Variants in CELF1 observed in about 807,000 individuals in gnomAD.
CELF1 encodes CUGBP Elav-like family member 1.
CELF1 carries 10 observed loss-of-function variants against 61.8 expected under a neutral mutation model. That is an observed-to-expected ratio of 0.16 (90% CI 0.10 to 0.27). The LOEUF (loss-of-function observed/expected upper bound fraction) is 0.27, where lower values mean the gene tolerates loss of function less well. Among genes scored for constraint, CELF1 ranks in the 10% least tolerant of loss-of-function variants. The pLI, the probability that CELF1 is intolerant of heterozygous loss-of-function variation, is 1.00. For missense variants in CELF1, 380 were observed against 639.1 expected, an observed-to-expected ratio of 0.59 and a Z score of 4.37; for synonymous variants, 236 against 225.1, an observed-to-expected ratio of 1.05 and a Z score of -0.43.
At chr11:47,488,708 G>A (rs2089284072) in intron 4 of CELF1, 129 bp downstream of exon 4, 1 of 642,518 alleles carries the variant, frequency 1.6e-6, no homozygotes, top group Non-Finnish European at 2.5e-6. Context: ...GGCAATGACA[G>A]AGAGAATGCA....
At position 47,494,381 on chromosome 11, in the gene CELF1, G is replaced by A. The variant is rs1025177637; in HGVS notation, c.71+5072C>T. ...TGCTTCTGCTGCCATTATTAAGAATGAGCAACTATGAAAATTCAGGACAAG... is the reference window on the plus strand; with the variant it reads ...TGCTTCTGCTGCCATTATTAAGAATAAGCAACTATGAAAATTCAGGACAAG... On this transcript the variant is annotated intron_variant, in intron 3 of 14. Transcript: ENST00000687097. 5.1e-6 allele frequency: 5 copies of A among 983,852 alleles called. No individual in the cohort carries two copies. In the African/African-American group the frequency reaches 8.7e-5, roughly 17 times the overall value. 60.9% of individuals were successfully genotyped at this position (983,852 alleles called of 1,614,324 possible).
intron 3 of CELF1, among the ~76,000 whole-genome samples, chr11:47,489,955 T>TTTTTTTTA (rs71042675): frequency 7.1e-6 from 1 of 141,284 alleles, no homozygotes; most frequent in African/African-American, 2.6e-5. Flanking sequence ...TTTTTTTTTT[T>TTTTTTTTA]GAGACGGAAT....
In CELF1 at chr11:47,484,804, G is replaced by A. The variant is rs569467384; in HGVS notation, c.392-281C>T. ...AGTGATTCTCCTGCCTCAGCCTCCT[G>A]AGTAGCTGGGATTACAGGCATGCGC... is the stretch of plus-strand genomic sequence containing the variant. On this transcript the variant is annotated intron_variant, in intron 6 of 14. Coordinates refer to ENST00000687097, the MANE Select transcript of CELF1 (RefSeq NM_001376376.1). Among the ~76,000 whole-genome samples, 3 of 152,248 alleles carry A rather than the reference G, an allele frequency of 2.0e-5. No homozygotes were observed. The South Asian group carries it at 6.2e-4, about 32-fold the overall frequency.
At chr11:47,537,608 A>G (rs1416996459) in intron 1 of CELF1, among the ~76,000 whole-genome samples, 2 of 152,150 alleles carry the variant, frequency 1.3e-5, no homozygotes, top group East Asian at 1.9e-4. Flanking sequence ...TTTTTTCCAG[A>G]TAACTCCTTG....
chr11:47,549,669 G>A (rs1394363283), intron 1 of CELF1, among the ~76,000 whole-genome samples: 1 of 152,152 alleles, frequency 6.6e-6, no homozygotes, highest in Non-Finnish European at 1.5e-5. Flanking sequence ...GCTAGTAGGA[G>A]GGGGAAAAGG....
chr11:47,475,763 A>G (rs1489335924), intron 12 of CELF1, among the ~76,000 whole-genome samples: 2 of 152,042 alleles, frequency 1.3e-5, no homozygotes, highest in African/African-American at 4.8e-5. Flanking sequence ...CCTTCATCCA[A>G]TCTGTGGAAT....
intron 2 of CELF1, among the ~76,000 whole-genome samples, chr11:47,561,299 C>T (rs1349432595): frequency 4.6e-5 from 7 of 151,012 alleles, no homozygotes; most frequent in South Asian, 2.1e-4. Flanking sequence ...AAAAATAAGC[C>T]GGGTGTGGTA....
At chr11:47,481,559 G>C (rs1456121070) in intron 9 of CELF1, among the ~76,000 whole-genome samples, 1 of 152,070 alleles carries the variant, frequency 6.6e-6, no homozygotes, top group African/African-American at 2.4e-5. Context: ...AAATGATGAG[G>C]AATAAATGAC....
At chr11:47,532,945 G>A (rs1206111635) in intron 1 of CELF1, among the ~76,000 whole-genome samples, 1 of 152,134 alleles carries the variant, frequency 6.6e-6, no homozygotes, top group Non-Finnish European at 1.5e-5. Context: ...AGTTGTTAAT[G>A]CCACACAGTT....
chr11:47,496,521 T>C (rs1046475629), intron 3 of CELF1, among the ~76,000 whole-genome samples: 3 of 152,162 alleles, frequency 2.0e-5, no homozygotes, highest in Non-Finnish European at 4.4e-5. Flanking sequence ...CCTCTACAAA[T>C]CCTATAAAGG....
chr11:47,476,479 G>A (rs1039322044), intron 12 of CELF1, among the ~76,000 whole-genome samples: 8 of 152,034 alleles, frequency 5.3e-5, no homozygotes, highest in African/African-American at 1.7e-4. Flanking sequence ...AGGCTGGAGT[G>A]CAGTGGCGCA....
chr11:47,490,900 C>T (rs1362693178), intron 3 of CELF1, among the ~76,000 whole-genome samples: 4 of 144,960 alleles, frequency 2.8e-5, no homozygotes, highest in Admixed American at 2.8e-4. Context: ...CTCGCTCTGT[C>T]GCCCGGGCTG....
rs576976471 is a variant in CELF1, at chr11:47,560,168, G to A, written c.-11+4183C>T. Among the ~76,000 whole-genome samples the A allele has an allele frequency of 3.3e-5, 5 of 152,194 alleles. No homozygotes were observed. The East Asian group carries it at 9.7e-4, about 29-fold the overall frequency. ...TAGCTGGGCGTGGTGGTGCACGCCT[G>A]TAATCCCAGCTACTGGGGAGGCTGA... On this transcript the variant is annotated intron_variant, in intron 2 of 3. Transcript: ENST00000525841.
chr11:47,508,839 C>T (rs532355271), intron 1 of CELF1, among the ~76,000 whole-genome samples: 5 of 152,262 alleles, frequency 3.3e-5, no homozygotes, highest in South Asian at 2.1e-4. Context: ...GACGCGATCT[C>T]GGCTTACTGC....
At chr11:47,546,522 C>T (rs66749409) in intron 1 of CELF1, among the ~76,000 whole-genome samples, 42,593 of 151,976 alleles carry the variant, frequency 0.28, 7,018 homozygotes, top group Middle Eastern at 0.38. Flanking sequence ...TGAGCCACCA[C>T]GCCGGGCCAA....
rs200156921 is a variant in CELF1, at chr11:47,482,871, T to C, written c.607-15A>G. 6.8e-6 allele frequency: 11 copies of C among 1,606,452 alleles called. No individual in the cohort carries two copies. Among genetic ancestry groups the C allele is most frequent in the Non-Finnish European group, 9.4e-6 (11 of 1,175,734 alleles). On this transcript the variant is annotated splice_polypyrimidine_tract_variant and intron_variant, in intron 8 of 14. Coordinates refer to ENST00000687097, the MANE Select transcript of CELF1 (RefSeq NM_001376376.1). ...GATGAGCAACCCTGTGAAAAGACCATAACGAAAGGGTCAAATTCCTCCATC... is the reference window on the plus strand; with the variant it reads ...GATGAGCAACCCTGTGAAAAGACCACAACGAAAGGGTCAAATTCCTCCATC...
In CELF1 at chr11:47,475,652, T is replaced by G. The variant is rs879462969; in HGVS notation, c.1088-131A>C. The G allele has an allele frequency of 3.5e-6, 3 of 845,836 alleles. No individual in the cohort carries two copies. The Admixed American group carries it at 8.3e-5, about 24-fold the overall frequency. 52.4% of individuals were successfully genotyped at this position (845,836 alleles called of 1,614,324 possible). On this transcript the variant is annotated intron_variant, in intron 12 of 14. Coordinates refer to ENST00000687097, the MANE Select transcript of CELF1 (RefSeq NM_001376376.1). ...CTTTATCTCCCTCTTAGTTTCTCCC[T>G]GAGAAGAAACTATCTGACTGGCTAG...
In CELF1 at chr11:47,469,457, A is replaced by G. The variant is rs951774537; in HGVS notation, c.*2773T>C. The stretch of plus-strand genomic sequence containing the variant: ...CAAGTAAGAAACAAAACTACAGCAG[A>G]AAACACATTGTAAGTGAAACCTTCA... On this transcript the variant is annotated 3_prime_UTR_variant, in exon 15 of 15. Transcript: ENST00000687097. The G allele has an allele frequency of 6.6e-6, 1 of 152,318 alleles. No individual in the cohort carries two copies. Among genetic ancestry groups the G allele is most frequent in the African/African-American group, 2.4e-5 (1 of 41,484 alleles). 9.4% of individuals were successfully genotyped at this position (152,318 alleles called of 1,614,324 possible).
At chr11:47,528,226 T>G (rs2096326133) in intron 1 of CELF1, among the ~76,000 whole-genome samples, 1 of 152,034 alleles carries the variant, frequency 6.6e-6, no homozygotes, top group South Asian at 2.1e-4. Flanking sequence ...GCCTTTGATA[T>G]GTCAGTTCTC....
Sources: allele counts gnomAD v4.1 joint callset (sites outside exome capture counted in the v4.1 genomes callset), GRCh38; gene constraint gnomAD v4.1.1; transcripts MANE v1.5; gene names NCBI Gene and HGNC (gene_info 2026-07-23, HGNC 2026-07-21).